FOXP1: variants seen among roughly 807,000 people sequenced by gnomAD.
The protein encoded by FOXP1 is forkhead box P1.
In FOXP1, 15 loss-of-function variants were observed where a neutral mutation model predicts 98.2. The observed-to-expected ratio is 0.15, with a 90% confidence interval of 0.10 to 0.24. The LOEUF is 0.24. Ranked by LOEUF, FOXP1 falls within the 10% of genes least tolerant of loss-of-function variation. The probability of loss-of-function intolerance (pLI) is 1.00; values close to 1 mark genes in which losing one functional copy is unlikely to be tolerated. For missense variants in FOXP1, 633 were observed against 848.5 expected, an observed-to-expected ratio of 0.75 and a Z score of 3.15; for synonymous variants, 371 against 314.5, an observed-to-expected ratio of 1.18 and a Z score of -1.90.
chr3:71,355,973 C>G (rs1257936981), intron 4 of FOXP1, among the ~76,000 whole-genome samples: 3 of 152,048 alleles, frequency 2.0e-5, no homozygotes, highest in Non-Finnish European at 4.4e-5. Context: ...GTGGCAGCTT[C>G]TGTGTGCAGA....
At chr3:71,545,242 G>T (rs1411734260) in intron 2 of FOXP1, among the ~76,000 whole-genome samples, 1 of 152,186 alleles carries the variant, frequency 6.6e-6, no homozygotes. Flanking sequence ...CCACTTTCTA[G>T]TTGAGTAAGT....
intron 13 of FOXP1, among the ~76,000 whole-genome samples, chr3:70,996,056 G>A (rs2041316444): frequency 6.6e-6 from 1 of 152,074 alleles, no homozygotes; most frequent in African/African-American, 2.4e-5. Context: ...GCGCAATCTC[G>A]GGTCACTGCA....
chr3:71,130,313 G>A (rs527915969), intron 6 of FOXP1, among the ~76,000 whole-genome samples: 1 of 152,246 alleles, frequency 6.6e-6, no homozygotes, highest in South Asian at 2.1e-4. Context: ...GAAGGAAACG[G>A]TCCTCTCAAA....
intron 7 of FOXP1, among the ~76,000 whole-genome samples, chr3:71,077,675 G>A (rs1167236972): frequency 6.6e-6 from 1 of 152,060 alleles, no homozygotes; most frequent in East Asian, 1.9e-4. Context: ...ATCAAATGCC[G>A]TTGTACATAA....
chr3:71,231,435 T>C (rs1473071048), intron 5 of FOXP1, among the ~76,000 whole-genome samples: 1 of 151,582 alleles, frequency 6.6e-6, no homozygotes, highest in Non-Finnish European at 1.5e-5. Flanking sequence ...AGCTACCTTA[T>C]AGGAAAAAAA....
chr3:71,347,267 A>T (rs1033601127), intron 4 of FOXP1, among the ~76,000 whole-genome samples: 1 of 152,222 alleles, frequency 6.6e-6, no homozygotes, highest in African/African-American at 2.4e-5. Flanking sequence ...AGATCCGTCA[A>T]ATTACAGCTC....
chr3:71,071,885 TAAC>T (rs550610968), intron 7 of FOXP1, among the ~76,000 whole-genome samples: 57 of 152,186 alleles, frequency 3.7e-4, no homozygotes, highest in Middle Eastern at 6.8e-3. Context: ...CTCTGTAGTT[TAAC>T]AACAACAACA....
At chr3:71,212,056 C>A (rs116417540) in intron 5 of FOXP1, among the ~76,000 whole-genome samples, 405 of 152,224 alleles carry the variant, frequency 2.7e-3, no homozygotes, top group Non-Finnish European at 4.6e-3. Context: ...CTGAGTGGAA[C>A]CATGTTCTTT....
intron 5 of FOXP1, among the ~76,000 whole-genome samples, chr3:71,266,586 G>T (rs1309588452): frequency 6.6e-6 from 1 of 151,996 alleles, no homozygotes; most frequent in African/African-American, 2.4e-5. Flanking sequence ...TTATATTTTT[G>T]TTATTTTATT....
At chr3:71,571,860 T>C (rs1437499092) in intron 2 of FOXP1, 1 of 152,238 alleles carries the variant, frequency 6.6e-6, no homozygotes, top group Non-Finnish European at 1.5e-5. Context: ...ATTAGCATAA[T>C]CACAGAGCAT....
At chr3:71,117,547 T>C (rs2058461679) in intron 6 of FOXP1, among the ~76,000 whole-genome samples, 1 of 151,978 alleles carries the variant, frequency 6.6e-6, no homozygotes, top group Non-Finnish European at 1.5e-5. Context: ...TTTGTGTGTA[T>C]GGGAGAGGGA....
intron 5 of FOXP1, among the ~76,000 whole-genome samples, chr3:71,199,457 T>G (rs972898497): frequency 6.7e-6 from 1 of 149,860 alleles, no homozygotes; most frequent in Non-Finnish European, 1.5e-5. Flanking sequence ...CTGGGGGCGG[T>G]GGCTCACACC....
At chr3:71,308,949 A>G (rs1388476890) in intron 4 of FOXP1, among the ~76,000 whole-genome samples, 2 of 152,134 alleles carry the variant, frequency 1.3e-5, no homozygotes, top group African/African-American at 4.8e-5. Context: ...TAGGGAATAA[A>G]TATAAATTTC....
At chr3:71,133,371 G>A (rs1264461987) in intron 6 of FOXP1, among the ~76,000 whole-genome samples, 1 of 152,174 alleles carries the variant, frequency 6.6e-6, no homozygotes, top group East Asian at 1.9e-4. Flanking sequence ...AAGAGAAATT[G>A]TCTGCTCAGG....
At chr3:71,302,317 A>G (rs2073913740) in intron 4 of FOXP1, among the ~76,000 whole-genome samples, 1 of 152,192 alleles carries the variant, frequency 6.6e-6, no homozygotes, top group Non-Finnish European at 1.5e-5. Context: ...CTAGCTTAGA[A>G]GAATTGGAAA....
intron 4 of FOXP1, among the ~76,000 whole-genome samples, chr3:71,348,462 A>G (rs2077509749): frequency 6.6e-6 from 1 of 151,864 alleles, no homozygotes; most frequent in Admixed American, 6.6e-5. Flanking sequence ...CTAGTCTTCA[A>G]CAAATACCTA....
At chr3:71,056,594 G>A (rs903540793) in intron 7 of FOXP1, among the ~76,000 whole-genome samples, 1 of 152,100 alleles carries the variant, frequency 6.6e-6, no homozygotes, top group Non-Finnish European at 1.5e-5. Flanking sequence ...ATCAGAAGTG[G>A]GCTATTATAT....
intron 3 of FOXP1, among the ~76,000 whole-genome samples, chr3:71,470,321 T>C (rs185129230): frequency 1.3e-5 from 2 of 152,330 alleles, no homozygotes; most frequent in African/African-American, 4.8e-5. Context: ...AGTTAATTTG[T>C]ACAAAGAGCT....
At chr3:71,009,017 C>G (rs1365333472) in intron 12 of FOXP1, among the ~76,000 whole-genome samples, 1 of 151,964 alleles carries the variant, frequency 6.6e-6, no homozygotes, top group East Asian at 1.9e-4. Flanking sequence ...GCTTATTAAT[C>G]TGGAGCTGCA....
Sources: gnomAD v4.1 joint callset for allele counts (sites outside exome capture counted in the v4.1 genomes callset) on GRCh38, gnomAD v4.1.1 for gene constraint, MANE v1.5 for transcripts, NCBI Gene and HGNC (gene_info 2026-07-23, HGNC 2026-07-21) for gene names.